ESRRB: variants seen among roughly 807,000 people sequenced by gnomAD.
ESRRB encodes steroid hormone receptor ERR2.
In ESRRB, 16 loss-of-function variants were observed where a neutral mutation model predicts 46.0. The observed-to-expected ratio is 0.35, with a 90% CI of 0.24 to 0.53. The LOEUF (loss-of-function observed/expected upper bound fraction) is 0.53, where lower values mean the gene tolerates loss of function less well. ESRRB is among the 20% of genes least tolerant of loss of function. The probability of loss-of-function intolerance (pLI) is 0.93; values close to 1 mark genes in which losing one functional copy is unlikely to be tolerated. For synonymous variants in ESRRB, 246 were observed against 259.6 expected (o/e 0.95, Z 0.50); for missense variants, 488 against 607.4 (o/e 0.80, Z 2.07).
intron 5 of ESRRB, among the ~76,000 whole-genome samples, chr14:76,484,192 C>T (rs1889915279): frequency 6.6e-6 from 1 of 152,216 alleles, no homozygotes; most frequent in Non-Finnish European, 1.5e-5. Flanking sequence ...AAAAAATGTC[C>T]TTCCATGTGA....
At chr14:76,411,007 C>G (rs868265307) in intron 1 of ESRRB, among the ~76,000 whole-genome samples, 1 of 150,302 alleles carries the variant, frequency 6.7e-6, no homozygotes, top group African/African-American at 2.4e-5. Context: ...TGGTCTTGAA[C>G]TCCTGATCTC....
intron 5 of ESRRB, among the ~76,000 whole-genome samples, chr14:76,485,174 G>A (rs1889957547): frequency 6.6e-6 from 1 of 151,542 alleles, no homozygotes; most frequent in Non-Finnish European, 1.5e-5. Context: ...TTAATTAGTG[G>A]AGTCTCCTGC....
chr14:76,496,780 G>A (rs540639072), intron 6 of ESRRB, among the ~76,000 whole-genome samples: 4 of 152,228 alleles, frequency 2.6e-5, no homozygotes, highest in South Asian at 4.2e-4. Context: ...GGGGGCTGAC[G>A]CTGGGCAGAA....
chr14:76,478,034 TATC>T (rs1389849594), intron 3 of ESRRB, among the ~76,000 whole-genome samples: 7 of 152,330 alleles, frequency 4.6e-5, no homozygotes, highest in Non-Finnish European at 2.9e-5. Context: ...ATTATGCTGT[TATC>T]ATTATCATTA....
chr14:76,328,373 G>A (rs1215962675), intron 1 of ESRRB, among the ~76,000 whole-genome samples: 1 of 152,210 alleles, frequency 6.6e-6, no homozygotes, highest in Non-Finnish European at 1.5e-5. Flanking sequence ...CTGGCTGGGA[G>A]GTCCCTTAGT....
At chr14:76,350,983 T>C (rs1884307013) in intron 1 of ESRRB, among the ~76,000 whole-genome samples, 1 of 152,180 alleles carries the variant, frequency 6.6e-6, no homozygotes, top group African/African-American at 2.4e-5. Flanking sequence ...ACCTTTGTCA[T>C]CTTGACTGGT....
rs1555345969 is a variant in ESRRB, at chr14:76,500,830, C to CGGAA, written c.*2374_*2377dup. On this transcript the variant is annotated 3_prime_UTR_variant, in exon 7 of 7. Coordinates refer to ENST00000644823, the MANE Select transcript of ESRRB (RefSeq NM_001379180.1). Reference sequence around the variant, plus strand: ...TCAGAGCCCCTCTAGCAGAGTGGGGCGGAAGTCCTGATGGTTGGTGTCCAT... The same window carrying CGGAA: ...TCAGAGCCCCTCTAGCAGAGTGGGGCGGAAGGAAGTCCTGATGGTTGGTGTCCAT... The CGGAA allele has an allele frequency of 6.5e-6, 8 of 1,230,978 alleles. No individual in the cohort carries two copies. The highest frequency in any genetic ancestry group is 9.6e-6 in the Non-Finnish European group (8 of 831,930). The allele number at this position is 1,230,978 out of a possible 1,614,324, so 76.3% of individuals were successfully genotyped here. A position where few individuals can be genotyped will look rare whatever the true frequency, so the allele number is the denominator to read the frequency against.
At chr14:76,394,369 G>A (rs1431699537) in intron 1 of ESRRB, among the ~76,000 whole-genome samples, 1 of 152,276 alleles carries the variant, frequency 6.6e-6, no homozygotes, top group African/African-American at 2.4e-5. Context: ...TGCCCACTAT[G>A]AGCCAGGCGC....
intron 5 of ESRRB, among the ~76,000 whole-genome samples, chr14:76,484,337 G>A (rs1889921650): frequency 6.6e-6 from 1 of 151,984 alleles, no homozygotes; most frequent in Non-Finnish European, 1.5e-5. Flanking sequence ...ATCTGGGCTG[G>A]TACGCCCTTA....
chr14:76,321,386 G>A (rs574709384), intron 1 of ESRRB, among the ~76,000 whole-genome samples: 23 of 152,170 alleles, frequency 1.5e-4, no homozygotes, highest in Non-Finnish European at 2.1e-4. Context: ...CTAAAATCTC[G>A]TATTTTCTTT....
At chr14:76,478,119 T>C (rs1436661747) in intron 3 of ESRRB, among the ~76,000 whole-genome samples, 2 of 152,142 alleles carry the variant, frequency 1.3e-5, no homozygotes, top group Admixed American at 6.6e-5. Context: ...ATAATAACCA[T>C]AATAATCCCA....
At chr14:76,360,029 G>T (rs1884444167) in intron 1 of ESRRB, among the ~76,000 whole-genome samples, 1 of 152,146 alleles carries the variant, frequency 6.6e-6, no homozygotes, top group Admixed American at 6.5e-5. Context: ...AAAAAGAAAA[G>T]AAATAAGGCT....
intron 1 of ESRRB, among the ~76,000 whole-genome samples, chr14:76,335,826 A>G (rs1195333299): frequency 6.6e-6 from 1 of 152,190 alleles, no homozygotes; most frequent in Non-Finnish European, 1.5e-5. Flanking sequence ...TAAGTTAATC[A>G]CACCAACCAG....
At chr14:76,336,080 G>T (rs1386604498) in intron 1 of ESRRB, among the ~76,000 whole-genome samples, 1 of 152,200 alleles carries the variant, frequency 6.6e-6, no homozygotes, top group East Asian at 1.9e-4. Flanking sequence ...AACACGCCGT[G>T]TCATCCTGTG....
chr14:76,456,704 A>G (rs1888630052), intron 2 of ESRRB, among the ~76,000 whole-genome samples: 1 of 152,206 alleles, frequency 6.6e-6, no homozygotes, highest in South Asian at 2.1e-4. Flanking sequence ...ACCTCCAGGT[A>G]GACACATCAG....
At chr14:76,411,054 G>C (rs2051441053) in intron 1 of ESRRB, among the ~76,000 whole-genome samples, 1 of 151,902 alleles carries the variant, frequency 6.6e-6, no homozygotes, top group African/African-American at 2.4e-5. Context: ...AAAGTGCTGG[G>C]ATTACAGGCA....
chr14:76,340,000 C>T lies in ESRRB; in HGVS notation c.2+29084C>T, dbSNP rs547776226. On this transcript the variant is annotated intron_variant, in intron 1 of 6. Transcript: ENST00000512784. ...TATCAATCAGGACTTTAATTAGACA[C>T]GTCCGAGAGGGCAGTTCCATCTCGG... Among the ~76,000 whole-genome samples, 8 of 152,180 alleles carry T rather than the reference C, an allele frequency of 5.3e-5. No homozygotes were observed. The South Asian group carries it at 1.7e-3, about 32-fold the overall frequency.
chr14:76,328,910 C>A (rs967572004), intron 1 of ESRRB, among the ~76,000 whole-genome samples: 1 of 152,132 alleles, frequency 6.6e-6, no homozygotes, highest in African/African-American at 2.4e-5. Context: ...AAAGGAATGC[C>A]CCCAAGAGCT....
chr14:76,454,516 T>C (rs1190225221), intron 2 of ESRRB, among the ~76,000 whole-genome samples: 1 of 152,058 alleles, frequency 6.6e-6, no homozygotes, highest in Non-Finnish European at 1.5e-5. Flanking sequence ...ATGTGAGAGC[T>C]GTGGCTCCAA....
Sources: allele counts gnomAD v4.1 joint callset (sites outside exome capture counted in the v4.1 genomes callset), GRCh38; gene constraint gnomAD v4.1.1; transcripts MANE v1.5; gene names NCBI Gene and HGNC (gene_info 2026-07-23, HGNC 2026-07-21).